The following GINM1 variants were observed in gnomAD, a reference collection of about 807,000 sequenced individuals.
The protein encoded by GINM1 is glycosylated integral membrane protein 1, also known as glycoprotein integral membrane protein 1.
A neutral mutation model predicts 37.8 loss-of-function variants in GINM1; 29 were observed. The observed-to-expected ratio is 0.77, with a 90% CI of 0.57 to 1.05. The LOEUF is 1.05. GINM1 is among the 50% of genes least tolerant of loss of function. GINM1 has a pLI of 0.00. For synonymous variants in GINM1, 143 were observed against 146.2 expected (o/e 0.98, Z 0.16); for missense variants, 377 against 397.9 (o/e 0.95, Z 0.45).
At position 149,566,818 on chromosome 6, in the gene GINM1, C is replaced by G. The variant is rs928640723; in HGVS notation, c.120+284C>G. Among the ~76,000 whole-genome samples, 2 of 152,254 alleles carry G rather than the reference C, an allele frequency of 1.3e-5. No homozygotes were observed. Among genetic ancestry groups the G allele is most frequent in the Admixed American group, 1.3e-4 (2 of 15,292 alleles). ...GGCGCGCGACCTGACGGGGCTTTGC[C>G]GTCGAAGCGCGCGGTTGCCGGTGAT... is the stretch of plus-strand genomic sequence containing the variant. On this transcript the variant is annotated intron_variant, in intron 1 of 7. Transcript: ENST00000367419. This position sits in a 1 kb window ranked among gnomAD's most constrained non-coding sequence, Gnocchi z 4.4.
chr6:149,567,070 A>G (rs995364250), intron 1 of GINM1, among the ~76,000 whole-genome samples: 2 of 152,088 alleles, frequency 1.3e-5, no homozygotes, highest in African/African-American at 2.4e-5. Flanking sequence ...TTTTTGTCGG[A>G]TGTTGGAGGA....
chr6:149,584,827 AGAG>A (rs1243755095), intron 7 of GINM1, among the ~76,000 whole-genome samples: 4 of 144,338 alleles, frequency 2.8e-5, no homozygotes, highest in African/African-American at 5.3e-5. Flanking sequence ...ATATATATAT[AGAG>A]AGAGAGAGAG....
At chr6:149,575,036 G>T (rs1256484358) in intron 3 of GINM1, among the ~76,000 whole-genome samples, 4 of 151,894 alleles carry the variant, frequency 2.6e-5, no homozygotes. Flanking sequence ...CATAATTATT[G>T]TTTTATGTAG....
At chr6:149,587,820 G>A (rs143837949) in intron 7 of GINM1, among the ~76,000 whole-genome samples, 2 of 152,250 alleles carry the variant, frequency 1.3e-5, no homozygotes, top group East Asian at 3.9e-4. Flanking sequence ...AAGGTTGGGG[G>A]ATGGGACTGA....
At chr6:149,583,182 A>G (rs1778025708) in intron 7 of GINM1, among the ~76,000 whole-genome samples, 1 of 152,050 alleles carries the variant, frequency 6.6e-6, no homozygotes, top group South Asian at 2.1e-4. Flanking sequence ...AAAAAAAATT[A>G]GCCTGGACCT....
At chr6:149,571,451 A>G (rs796721610) in intron 1 of GINM1, among the ~76,000 whole-genome samples, 40 of 152,342 alleles carry the variant, frequency 2.6e-4, no homozygotes, top group African/African-American at 9.4e-4. Flanking sequence ...AGCTATGTGC[A>G]TCAACAGTAT....
intron 3 of GINM1, among the ~76,000 whole-genome samples, chr6:149,576,763 A>G (rs1033821315): frequency 1.3e-5 from 2 of 152,208 alleles, no homozygotes; most frequent in African/African-American, 4.8e-5. Context: ...TAAGGAAGTC[A>G]ATATGAAGGG....
intron 4 of GINM1, among the ~76,000 whole-genome samples, chr6:149,579,614 C>G (rs1392327118): frequency 1.3e-5 from 2 of 151,894 alleles, no homozygotes; most frequent in Non-Finnish European, 2.9e-5. Flanking sequence ...ATCGCTTGAA[C>G]CCAGAAGGCG....
intron 6 of GINM1, 39 bp from the exon 7 acceptor site, chr6:149,582,401 T>G (rs762034109): frequency 2.0e-5 from 31 of 1,538,214 alleles, no homozygotes; most frequent in African/African-American, 9.7e-5. Flanking sequence ...TCTTAGAGAT[T>G]GATGCAACTT....
Position 149,566,813 on chromosome 6 carries a change from T to C in GINM1, c.120+279T>C, listed in dbSNP as rs1777726258. On this transcript the variant is annotated intron_variant, in intron 1 of 7. Coordinates refer to ENST00000367419, the MANE Select transcript of GINM1 (RefSeq NM_138785.5). The surrounding 1 kb of genome is among the most constrained non-coding windows in gnomAD (Gnocchi z 4.4). The stretch of plus-strand genomic sequence containing the variant: ...AAGCCGGCGCGCGACCTGACGGGGC[T>C]TTGCCGTCGAAGCGCGCGGTTGCCG... Among the ~76,000 whole-genome samples, 1 of 152,230 alleles carries C rather than the reference T, an allele frequency of 6.6e-6. No individual in the cohort carries two copies. The highest frequency in any genetic ancestry group is 2.1e-4 in the South Asian group (1 of 4,836).
chr6:149,566,524 G>A lies in GINM1; in HGVS notation c.110G>A (p.Gly37Glu), dbSNP rs978848016. Residue 37 changes from glycine (G) to glutamate (E), a missense_variant, in exon 1 of 8, where the codon GGA becomes GAA. Transcript: ENST00000367419. The surrounding 1 kb of genome is among the most constrained non-coding windows in gnomAD (Gnocchi z 4.4). Reference sequence around the variant, plus strand: ...GCCCCCGAGCCGCCGCCGCTGTCCGGAGCCCCACAGGTAGGGCAGGGCGGG... The same window carrying A: ...GCCCCCGAGCCGCCGCCGCTGTCCGAAGCCCCACAGGTAGGGCAGGGCGGG... ...TGAPEPPPLS[G>E]APQDGIRINV... 4 of 1,525,826 alleles carry A rather than the reference G, an allele frequency of 2.6e-6. No homozygotes were observed. Among genetic ancestry groups the A allele is most frequent in the Admixed American group, 4.0e-5 (2 of 50,282 alleles). The allele number at this position is 1,525,826 out of a possible 1,614,324, so 94.5% of individuals were successfully genotyped here.
At position 149,570,134 on chromosome 6, in the gene GINM1, TTTTATATATATA is replaced by T. The variant is rs1368067648; in HGVS notation, c.121-2149_121-2138del. Among the ~76,000 whole-genome samples the T allele has an allele frequency of 1.5e-3, 142 of 96,124 alleles. 13 individuals are homozygous for T. Among genetic ancestry groups the T allele is most frequent in the African/African-American group, 6.1e-3 (126 of 20,640 alleles). The allele number at this position is 96,124 out of a possible 152,430, so 63.1% of individuals were successfully genotyped here. A position where few individuals can be genotyped will look rare whatever the true frequency, so the allele number is the denominator to read the frequency against. On this transcript the variant is annotated intron_variant, in intron 1 of 7. Transcript: ENST00000367419. ...AAACTCTGTAATTTTACTAGGTAGG[TTTTATATATATA>T]TATATATATATATATATATATATAT...
At chr6:149,571,628 G>C (rs918987577) in intron 1 of GINM1, among the ~76,000 whole-genome samples, 2 of 152,036 alleles carry the variant, frequency 1.3e-5, no homozygotes, top group Admixed American at 6.6e-5. Flanking sequence ...GATTCCTTCT[G>C]GGGGGATAGA....
At chr6:149,586,539 G>GTACATAGA (rs1193188908) in intron 7 of GINM1, among the ~76,000 whole-genome samples, 1 of 152,122 alleles carries the variant, frequency 6.6e-6, no homozygotes, top group Non-Finnish European at 1.5e-5. Context: ...TTCATTGAAT[G>GTACATAGA]TTTTGCAATC....
intron 3 of GINM1, among the ~76,000 whole-genome samples, chr6:149,573,593 C>T (rs1053242727): frequency 2.0e-5 from 3 of 152,058 alleles, no homozygotes; most frequent in Admixed American, 6.6e-5. Flanking sequence ...TAAGAATGTG[C>T]ATAGAGGCGG....
At chr6:149,589,298 A>T (rs1778118342) in intron 7 of GINM1, among the ~76,000 whole-genome samples, 1 of 151,370 alleles carries the variant, frequency 6.6e-6, no homozygotes, top group South Asian at 2.1e-4. Context: ...TTTGAGACAG[A>T]GTCTCGCTTT....
chr6:149,569,708 G>C (rs1462733167), intron 1 of GINM1, among the ~76,000 whole-genome samples: 3 of 152,124 alleles, frequency 2.0e-5, no homozygotes, highest in African/African-American at 7.2e-5. Flanking sequence ...GAGGCATTCG[G>C]AGGACACTTA....
chr6:149,584,335 C>T (rs1223534058), intron 7 of GINM1: 1 of 152,182 alleles, frequency 6.6e-6, no homozygotes, highest in Non-Finnish European at 1.5e-5. Flanking sequence ...CAGATGACCA[C>T]AGTTCTTGGC....
At chr6:149,576,941 A>G (rs1191543176) in intron 3 of GINM1, among the ~76,000 whole-genome samples, 4 of 152,220 alleles carry the variant, frequency 2.6e-5, no homozygotes, top group Admixed American at 2.6e-4. Flanking sequence ...GCATCTGCTC[A>G]GCTTCTAAGG....
Sources: allele counts gnomAD v4.1 joint callset (sites outside exome capture counted in the v4.1 genomes callset), GRCh38; gene constraint gnomAD v4.1.1; non-coding constraint Gnocchi (gnomAD v3.1); transcripts MANE v1.5; gene names NCBI Gene and HGNC (gene_info 2026-07-23, HGNC 2026-07-21).